The following ITGB8 variants were observed in gnomAD, a reference collection of about 807,000 sequenced individuals.
ITGB8 encodes integrin beta-8.
A neutral mutation model predicts 89.5 loss-of-function variants in ITGB8; 30 were observed. The observed-to-expected ratio is 0.34, with a 90% CI of 0.25 to 0.45. The LOEUF (loss-of-function observed/expected upper bound fraction) is 0.45. ITGB8 is among the 20% of genes least tolerant of loss of function. The pLI is 1.00. For missense variants in ITGB8, 836 were observed against 933.3 expected (o/e 0.90, Z 1.36); for synonymous variants, 335 against 320.4 (o/e 1.05, Z -0.49).
At chr7:20,332,925 CTTTT>C (rs34506325) in intron 1 of ITGB8, among the ~76,000 whole-genome samples, 2 of 142,986 alleles carry the variant, frequency 1.4e-5, no homozygotes, top group African/African-American at 2.6e-5. Context: ...GTCATACTTT[CTTTT>C]TTTTTTTTTT....
intron 2 of ITGB8, chr7:20,365,612 T>G (rs898731645): frequency 9.2e-5 from 14 of 152,154 alleles, no homozygotes; most frequent in African/African-American, 3.4e-4. Flanking sequence ...TATATAGAAC[T>G]TTGACAAGGT....
chr7:20,379,555 C>T (rs1251875812), intron 4 of ITGB8: 1 of 168,430 alleles, frequency 5.9e-6, no homozygotes, highest in Non-Finnish European at 1.3e-5. Context: ...AACAAAAAAC[C>T]CTACCTAATG....
chr7:20,400,563 T>G (rs1172234881), intron 9 of ITGB8, among the ~76,000 whole-genome samples: 1 of 152,338 alleles, frequency 6.6e-6, no homozygotes, highest in East Asian at 1.9e-4. Flanking sequence ...TAAATTGTAA[T>G]GGATCTCAAT....
rs772115710 is a variant in ITGB8 at position 20,366,890 on chromosome 7, A to T, written c.214-122A>T. 3 of 641,078 alleles carry T rather than the reference A, an allele frequency of 4.7e-6. No homozygotes were observed. The East Asian group carries it at 9.5e-5, about 20-fold the overall frequency. 39.7% of individuals were successfully genotyped at this position (641,078 alleles called of 1,614,324 possible). On this transcript the variant is annotated intron_variant, in intron 2 of 13. Transcript: ENST00000222573. ...TTTTTCTTGTAGAAATAGTAAAAACATAAGGATTAGAAGAAATTAAAATGA... is the reference window on the plus strand; with the variant it reads ...TTTTTCTTGTAGAAATAGTAAAAACTTAAGGATTAGAAGAAATTAAAATGA...
At chr7:20,405,236 A>T in intron 11 of ITGB8, among the ~76,000 whole-genome samples, 1 of 151,988 alleles carries the variant, frequency 6.6e-6, no homozygotes, top group East Asian at 1.9e-4. Flanking sequence ...AATGATTCAT[A>T]TAAAAAAACT....
At chr7:20,373,851 T>G (rs182421400) in intron 3 of ITGB8, among the ~76,000 whole-genome samples, 232 of 152,330 alleles carry the variant, frequency 1.5e-3, no homozygotes, top group African/African-American at 5.3e-3. Context: ...CTTTTCCTAG[T>G]GTGCAGTCAT....
chr7:20,369,239 AAAT>A (rs991632463), intron 3 of ITGB8, among the ~76,000 whole-genome samples: 5 of 152,218 alleles, frequency 3.3e-5, no homozygotes, highest in Non-Finnish European at 7.3e-5. Flanking sequence ...TAGAATAGAA[AAAT>A]AATAAACAGT....
At chr7:20,360,546 A>C (rs542186990) in intron 1 of ITGB8, among the ~76,000 whole-genome samples, 15 of 152,076 alleles carry the variant, frequency 9.9e-5, no homozygotes, top group African/African-American at 3.4e-4. Context: ...ACCATTTTGT[A>C]TGTCTTTGGG....
At chr7:20,334,993 G>C (rs1784528689) in intron 1 of ITGB8, among the ~76,000 whole-genome samples, 2 of 152,082 alleles carry the variant, frequency 1.3e-5, no homozygotes, top group African/African-American at 4.8e-5. Flanking sequence ...AGAGAGAATG[G>C]TATAAGGGAC....
At chr7:20,350,707 C>T (rs1419610276) in intron 1 of ITGB8, among the ~76,000 whole-genome samples, 1 of 152,192 alleles carries the variant, frequency 6.6e-6, no homozygotes. Context: ...AGCGAATAGG[C>T]AGGGTTAGGA....
intron 8 of ITGB8, among the ~76,000 whole-genome samples, chr7:20,396,071 C>T (rs897849727): frequency 2.0e-5 from 3 of 152,166 alleles, no homozygotes; most frequent in Admixed American, 6.5e-5. Context: ...TTTCTCTTCT[C>T]GTTTTCTCCA....
At chr7:20,354,078 G>C (rs577333570) in intron 1 of ITGB8, among the ~76,000 whole-genome samples, 14 of 151,534 alleles carry the variant, frequency 9.2e-5, no homozygotes, top group Admixed American at 3.3e-4. Context: ...GATTACTTAA[G>C]AATATATGTA....
intron 11 of ITGB8, among the ~76,000 whole-genome samples, chr7:20,405,587 G>A (rs1230023485): frequency 6.6e-6 from 1 of 151,744 alleles, no homozygotes; most frequent in Non-Finnish European, 1.5e-5. Context: ...CAAAGTGCTG[G>A]GATTACAGGC....
At chr7:20,394,136 C>G (rs1205131116) in intron 7 of ITGB8, among the ~76,000 whole-genome samples, 2 of 152,212 alleles carry the variant, frequency 1.3e-5, no homozygotes, top group Non-Finnish European at 2.9e-5. Context: ...TAAGTAATGG[C>G]TGGCATCCAG....
rs1469038480 is a variant in ITGB8 at position 20,414,578 on chromosome 7, T to C, written c.*4581T>C. 6.6e-6 allele frequency: 1 copy of C among 152,536 alleles called. No homozygotes were observed. Among genetic ancestry groups the C allele is most frequent in the Admixed American group, 6.6e-5 (1 of 15,250 alleles). The allele number at this position is 152,536 out of a possible 1,614,324, so 9.4% of individuals were successfully genotyped here. On this transcript the variant is annotated 3_prime_UTR_variant, in exon 14 of 14. Transcript: ENST00000222573. ...TCTTGTATCAATGGCAGGAGAAAAATATGATAAAAACAATCAGTGCTGTGA... is the reference window on the plus strand; with the variant it reads ...TCTTGTATCAATGGCAGGAGAAAAACATGATAAAAACAATCAGTGCTGTGA...
At chr7:20,387,350 A>C (rs1304394856) in intron 6 of ITGB8, among the ~76,000 whole-genome samples, 1 of 152,240 alleles carries the variant, frequency 6.6e-6, no homozygotes. Context: ...TAATAATTAC[A>C]GAACAGTAAG....
chr7:20,381,574 G>A, intron 5 of ITGB8, 153 bp from the exon 6 acceptor site: 1 of 553,038 alleles, frequency 1.8e-6, no homozygotes. Flanking sequence ...ACAAATAAAA[G>A]TTAAAGCTAT....
At chr7:20,358,419 C>CT (rs548534753) in intron 1 of ITGB8, among the ~76,000 whole-genome samples, 1,718 of 145,996 alleles carry the variant, frequency 0.012, 32 homozygotes, top group African/African-American at 0.039. Context: ...TCATTTTTTT[C>CT]TTTTTTTTTT....
At chr7:20,374,796 G>A (rs748027960) in intron 3 of ITGB8, among the ~76,000 whole-genome samples, 1 of 152,220 alleles carries the variant, frequency 6.6e-6, no homozygotes, top group African/African-American at 2.4e-5. Context: ...TAAGTATTAT[G>A]TAGGAACTTC....
Sources: allele counts gnomAD v4.1 joint callset (sites outside exome capture counted in the v4.1 genomes callset), GRCh38; gene constraint gnomAD v4.1.1; transcripts MANE v1.5; gene names NCBI Gene and HGNC (gene_info 2026-07-23, HGNC 2026-07-21).